Variants in GAREM1 observed in about 807,000 individuals in gnomAD.
GAREM1 encodes GRB2-associated and regulator of MAPK protein 1.
GAREM1 carries 26 observed loss-of-function variants against 71.3 expected under a neutral mutation model. The ratio of observed to expected loss-of-function variants is 0.36; its 90% CI spans 0.27 to 0.51. The LOEUF is 0.51. Ranked by LOEUF, GAREM1 falls within the 20% of genes least tolerant of loss-of-function variation. The pLI is 0.95. For synonymous variants in GAREM1, 440 were observed against 433.2 expected (o/e 1.02, Z -0.20); for missense variants, 1,026 against 1,103.1 (o/e 0.93, Z 0.99).
At chr18:32,423,743 C>G (rs1047212388) in intron 1 of GAREM1, among the ~76,000 whole-genome samples, 2 of 152,180 alleles carry the variant, frequency 1.3e-5, no homozygotes, top group African/African-American at 2.4e-5. Context: ...TCATCTAAAT[C>G]TTACATTCCC....
At chr18:32,317,694 C>CT (rs79726159) in intron 2 of GAREM1, among the ~76,000 whole-genome samples, 28,254 of 131,132 alleles carry the variant, frequency 0.22, 2,818 homozygotes, top group East Asian at 0.28. Flanking sequence ...TTCGCTGTTG[C>CT]TTTTTTTTTT....
intron 1 of GAREM1, among the ~76,000 whole-genome samples, chr18:32,453,113 T>C (rs2048855721): frequency 6.6e-6 from 1 of 151,806 alleles, no homozygotes; most frequent in African/African-American, 2.4e-5. Context: ...TGGTGGAAAG[T>C]GAAAGGCACG....
In GAREM1 at chr18:32,296,666, T is replaced by A. The variant is rs549094919; in HGVS notation, c.394-8463A>T. Among the ~76,000 whole-genome samples the A allele has an allele frequency of 8.0e-5, 12 of 150,762 alleles. No individual in the cohort carries two copies. The South Asian group carries it at 2.3e-3, about 29-fold the overall frequency. Reference sequence around the variant, plus strand: ...CTTTCTTTTTCCATAGGACTTGTAGTTTCAAGTTTTCAGTTATTATTATTA... The same window carrying A: ...CTTTCTTTTTCCATAGGACTTGTAGATTCAAGTTTTCAGTTATTATTATTA... On this transcript the variant is annotated intron_variant, in intron 3 of 5. Transcript: ENST00000269209.
At chr18:32,317,296 T>C (rs1305260123) in intron 2 of GAREM1, among the ~76,000 whole-genome samples, 2 of 151,520 alleles carry the variant, frequency 1.3e-5, no homozygotes, top group Non-Finnish European at 2.9e-5. Flanking sequence ...TCCCAGCTAC[T>C]TGGGAGGCTG....
chr18:32,423,850 G>A (rs1438680919), intron 1 of GAREM1, among the ~76,000 whole-genome samples: 1 of 152,126 alleles, frequency 6.6e-6, no homozygotes, highest in African/African-American at 2.4e-5. Flanking sequence ...ATTAAGAAAT[G>A]GAGCTGGGCA....
intron 3 of GAREM1, among the ~76,000 whole-genome samples, chr18:32,303,325 C>A (rs749383948): frequency 9.9e-5 from 15 of 152,136 alleles, no homozygotes; most frequent in Admixed American, 2.6e-4. Context: ...AATGCCAAAT[C>A]GAAGGCCACC....
chr18:32,410,893 C>T (rs1368089394), intron 1 of GAREM1, among the ~76,000 whole-genome samples: 1 of 152,142 alleles, frequency 6.6e-6, no homozygotes, highest in Non-Finnish European at 1.5e-5. Context: ...ACCTCCGTCT[C>T]CCGGGTTCAA....
chr18:32,309,615 CAAAAAAAAAAAA>C (rs11370938), intron 3 of GAREM1, among the ~76,000 whole-genome samples: 4 of 13,862 alleles, frequency 2.9e-4, no homozygotes, highest in Admixed American at 1.1e-3. Flanking sequence ...GACTCAGTCT[CAAAAAAAAAAAA>C]AAAAAAAAAA....
At chr18:32,281,757 G>C (rs979022272) in intron 4 of GAREM1, among the ~76,000 whole-genome samples, 3 of 152,010 alleles carry the variant, frequency 2.0e-5, no homozygotes, top group African/African-American at 7.2e-5. Flanking sequence ...GGTGGATCAT[G>C]AGGTCAGGAG....
intron 2 of GAREM1, among the ~76,000 whole-genome samples, chr18:32,350,374 T>G (rs1004068586): frequency 4.6e-5 from 7 of 152,232 alleles, no homozygotes; most frequent in Non-Finnish European, 1.0e-4. Context: ...TTTTGTTGGT[T>G]TCTTAAAATT....
rs772390811 is a variant in GAREM1, at chr18:32,287,901, G to A, written c.696C>T (p.Gly232=). The part of the protein sequence containing the change: ...RSPLELQMQE[G]EHTIRNIVEK... ...CCACAATGTTGCGGATGGTGTGTTC[G>A]CCCTCTTGCATCTGAAGTTCCAGGG... Residue 232 remains glycine, a synonymous_variant, in exon 4 of 6, where the codon GGC becomes GGT. Coordinates refer to ENST00000269209, the MANE Select transcript of GAREM1 (RefSeq NM_001242409.2). This position sits in a 1 kb window ranked among gnomAD's most constrained non-coding sequence, Gnocchi z 5.9. 1.9e-5 allele frequency: 30 copies of A among 1,614,014 alleles called. No homozygotes were observed. In the African/African-American group the frequency reaches 2.0e-4, roughly 11 times the overall value.
At chr18:32,384,380 C>A (rs192502454) in intron 2 of GAREM1, among the ~76,000 whole-genome samples, 76 of 152,304 alleles carry the variant, frequency 5.0e-4, no homozygotes, top group African/African-American at 1.8e-3. Flanking sequence ...AGGATGGAGG[C>A]AGAGTGGTTT....
intron 2 of GAREM1, among the ~76,000 whole-genome samples, chr18:32,318,505 A>G (rs929631374): frequency 4.6e-5 from 7 of 152,190 alleles, no homozygotes; most frequent in Non-Finnish European, 8.8e-5. Flanking sequence ...GACAGCAACA[A>G]TGCCGAGATA....
At chr18:32,442,612 T>C (rs1385987846) in intron 1 of GAREM1, among the ~76,000 whole-genome samples, 1 of 152,180 alleles carries the variant, frequency 6.6e-6, no homozygotes, top group Non-Finnish European at 1.5e-5. Context: ...TATTGTGAAG[T>C]TGCCAGAACT....
At chr18:32,288,268 A>G (rs113439864) in intron 3 of GAREM1, 65 bp from the exon 4 acceptor site, 1 of 1,300,704 alleles carries the variant, frequency 7.7e-7, no homozygotes, top group East Asian at 2.4e-5. Flanking sequence ...AGAACTTCCT[A>G]TTAAGACACA....
At chr18:32,404,724 T>C (rs2048349494) in intron 1 of GAREM1, among the ~76,000 whole-genome samples, 1 of 152,248 alleles carries the variant, frequency 6.6e-6, no homozygotes, top group South Asian at 2.1e-4. Context: ...TTTATTTTTC[T>C]TTTTAAAGAA....
chr18:32,329,888 T>C (rs1200702366), intron 2 of GAREM1, among the ~76,000 whole-genome samples: 1 of 152,036 alleles, frequency 6.6e-6, no homozygotes, highest in East Asian at 1.9e-4. Context: ...CCCCTGTGTA[T>C]AAGTTCCAAA....
chr18:32,295,623 G>A (rs1168140488), intron 3 of GAREM1, among the ~76,000 whole-genome samples: 2 of 152,100 alleles, frequency 1.3e-5, no homozygotes, highest in Non-Finnish European at 1.5e-5. Context: ...TCTATTCTAG[G>A]TGATCTCTGT....
At chr18:32,313,156 A>C (rs2047340636) in intron 2 of GAREM1, among the ~76,000 whole-genome samples, 1 of 152,200 alleles carries the variant, frequency 6.6e-6, no homozygotes, top group Non-Finnish European at 1.5e-5. Flanking sequence ...AGCCGAGACT[A>C]CCAAGTGAAT....
Sources: gnomAD v4.1 joint callset for allele counts (sites outside exome capture counted in the v4.1 genomes callset) on GRCh38, gnomAD v4.1.1 for gene constraint, Gnocchi (gnomAD v3.1) non-coding constraint, MANE v1.5 for transcripts, NCBI Gene and HGNC (gene_info 2026-07-23, HGNC 2026-07-21) for gene names.